The following KIF17 variants were observed in gnomAD, a reference collection of about 807,000 sequenced individuals.
KIF17 encodes the protein kinesin family member 17.
In KIF17, 80 loss-of-function variants were observed where a neutral mutation model predicts 96.8. The ratio of observed to expected loss-of-function variants is 0.83; its 90% CI spans 0.69 to 1.00. KIF17 has a LOEUF of 1.00. Ranked by LOEUF, KIF17 falls within the 50% of genes least tolerant of loss-of-function variation. KIF17 has a pLI of 0.00. For missense variants in KIF17, 1,280 were observed against 1,372.9 expected (o/e 0.93, Z 1.07); for synonymous variants, 567 against 587.5 (o/e 0.97, Z 0.51).
chr1:20,688,063 T>A (rs1312253252), intron 7 of KIF17, 119 bp from the exon 8 acceptor site: 10 of 889,990 alleles, frequency 1.1e-5, no homozygotes, highest in African/African-American at 3.4e-5. Context: ...TTGTTTTTTT[T>A]TGAGACAGAG....
intron 11 of KIF17, among the ~76,000 whole-genome samples, chr1:20,680,985 G>A (rs1282321955): frequency 6.6e-6 from 1 of 151,350 alleles, no homozygotes; most frequent in African/African-American, 2.4e-5. Flanking sequence ...AATTAGCTGG[G>A]TGTGGTGGCG....
chr1:20,712,990 A>C, intron 3 of KIF17, among the ~76,000 whole-genome samples: 1 of 139,712 alleles, frequency 7.2e-6, no homozygotes, highest in South Asian at 2.1e-4. Context: ...TAGATACTAT[A>C]TATAATATAG....
In KIF17 at chr1:20,704,541, C is replaced by T; in HGVS notation, c.1029G>A (p.Glu343=). Residue 343 remains glutamate (E), a synonymous_variant, in exon 5 of 15, where the codon GAG becomes GAA. Transcript: ENST00000400463. The surrounding 1 kb of genome is among the most constrained non-coding windows in gnomAD (Gnocchi z 6.8). ...KNIRNKPRIN[E]DPKDALLREY... ...CGCGAAGCAGCGCATCCTTGGGGTC[C>T]TCATTGATGCGCGGCTTGTTCCTGA... 6.2e-7 allele frequency: 1 copy of T among 1,614,206 alleles called. No individual in the cohort carries two copies. The highest frequency in any genetic ancestry group is 8.5e-7 in the Non-Finnish European group (1 of 1,180,032).
Position 20,698,443 on chromosome 1 carries a change from T to A in KIF17, c.1169A>T (p.Glu390Val). The A allele has an allele frequency of 6.2e-7, 1 of 1,613,724 alleles. No homozygotes were observed. Among genetic ancestry groups the A allele is most frequent in the Non-Finnish European group, 8.5e-7 (1 of 1,179,954 alleles). ...GATCACAGGTTGGGGCAACAGCTTC[T>A]CCTCCACCTGCACAGGGTCTGGGGG... ...QVPPDPVQVEEKLLPQPVIQH... is the reference protein window; with the variant it reads ...QVPPDPVQVEVKLLPQPVIQH... The change falls in exon 6 of 15, where the codon GAG becomes GTG. Residue 390 changes from glutamate (E) to valine (V), a missense_variant. Transcript: ENST00000400463.
intron 6 of KIF17, among the ~76,000 whole-genome samples, chr1:20,697,754 G>C (rs926937265): frequency 6.6e-6 from 1 of 152,150 alleles, no homozygotes. Flanking sequence ...AGGCAGGAGT[G>C]GGGGGGCCCC....
chr1:20,690,352 G>GCGGC lies in KIF17; in HGVS notation c.1234-18_1234-17insGCCG. The GCGGC allele has an allele frequency of 2.2e-6, 1 of 451,172 alleles. No individual in the cohort carries two copies. Among genetic ancestry groups the GCGGC allele is most frequent in the Non-Finnish European group, 4.3e-6 (1 of 235,152 alleles). 27.9% of individuals were successfully genotyped at this position (451,172 alleles called of 1,614,324 possible). On this transcript the variant is annotated splice_polypyrimidine_tract_variant and intron_variant, in intron 6 of 14. Coordinates refer to ENST00000400463, the MANE Select transcript of KIF17 (RefSeq NM_001122819.3). ...TTCATACTCCTGGGGGGGTGGGAGG[G>GCGGC]ACCAGAGGGCAGGCAGCATTTTATC...
chr1:20,670,133 C>CT (rs2053614920), intron 13 of KIF17, among the ~76,000 whole-genome samples: 1 of 152,080 alleles, frequency 6.6e-6, no homozygotes, highest in South Asian at 2.1e-4. Flanking sequence ...TGCTTGTCCT[C>CT]TGAGTTTGAG....
Position 20,670,485 on chromosome 1 carries a change from G to GA in KIF17, c.2725dup (p.Ser909PhefsTer37), listed in dbSNP as rs1422614011. ...GGCTGGTTTGTTCTGTGGCCCAGTT[G>GA]AAACTGCTATGAGAAAACAAAAGCT... On this transcript the variant is annotated frameshift_variant, in exon 13 of 15. Coordinates refer to ENST00000400463, the MANE Select transcript of KIF17 (RefSeq NM_001122819.3). LOFTEE classifies it high-confidence loss of function. 1 of 1,614,062 alleles carries GA rather than the reference G, an allele frequency of 6.2e-7. No homozygotes were observed. The highest frequency in any genetic ancestry group is 2.2e-5 in the East Asian group (1 of 44,890).
At chr1:20,673,382 T>C (rs2053682390) in intron 11 of KIF17, among the ~76,000 whole-genome samples, 1 of 39,354 alleles carries the variant, frequency 2.5e-5, no homozygotes, top group Non-Finnish European at 7.9e-5. Flanking sequence ...ATTTCTTTTG[T>C]TTGTTTGTTT....
chr1:20,684,035 C>CA (rs761492337), intron 10 of KIF17, among the ~76,000 whole-genome samples: 6 of 152,268 alleles, frequency 3.9e-5, no homozygotes, highest in Non-Finnish European at 5.9e-5. Context: ...ACCCTCACCA[C>CA]AAGCTTCTCA....
intron 6 of KIF17, among the ~76,000 whole-genome samples, chr1:20,692,192 C>T (rs940239218): frequency 2.0e-5 from 3 of 152,242 alleles, no homozygotes; most frequent in Non-Finnish European, 4.4e-5. Flanking sequence ...GACACACCCA[C>T]TTCCTCCCTG....
chr1:20,697,285 G>T (rs1164000390), intron 6 of KIF17, among the ~76,000 whole-genome samples: 3 of 152,184 alleles, frequency 2.0e-5, no homozygotes, highest in African/African-American at 7.2e-5. Flanking sequence ...CTGGCATCAG[G>T]TTTCACATCA....
At chr1:20,692,052 C>T (rs1171729146) in intron 6 of KIF17, among the ~76,000 whole-genome samples, 1 of 152,180 alleles carries the variant, frequency 6.6e-6, no homozygotes, top group African/African-American at 2.4e-5. Context: ...AGGTGTCTCC[C>T]CTGCTTAGGA....
chr1:20,710,562 G>C lies in KIF17; in HGVS notation c.481-734C>G, dbSNP rs868343749. Among the ~76,000 whole-genome samples the C allele has an allele frequency of 2.0e-4, 31 of 152,198 alleles. 1 individual carries two copies. Among genetic ancestry groups the C allele is most frequent in the African/African-American group, 7.5e-4 (31 of 41,456 alleles). ...AACACGGTATTTTTCAAGTGTGAGA[G>C]GAAATAAAACCACTCTGGCACCAGA... On this transcript the variant is annotated intron_variant, in intron 3 of 14. Transcript: ENST00000400463.
In KIF17 at chr1:20,681,676, C is replaced by G. The variant is rs1211196426; in HGVS notation, c.2463+977G>C. ...CTCACCGTGGGCAGAATCACGCTCT[C>G]CCTGACTCAGGCCTCACTCCCTTTC... On this transcript the variant is annotated intron_variant, in intron 11 of 14. Transcript: ENST00000400463. Among the ~76,000 whole-genome samples the G allele has an allele frequency of 2.6e-5, 4 of 152,272 alleles. No homozygotes were observed. The South Asian group carries it at 6.2e-4, about 24-fold the overall frequency.
At position 20,704,641 on chromosome 1, in the gene KIF17, G is replaced by T; in HGVS notation, c.929C>A (p.Ala310Asp). 1.9e-6 allele frequency: 3 copies of T among 1,614,182 alleles called. No individual in the cohort carries two copies. The highest frequency in any genetic ancestry group is 2.5e-6 in the Non-Finnish European group (3 of 1,180,020). The change falls in exon 5 of 15, where the codon GCC becomes GAC. Residue 310 changes from alanine (A) to aspartate (D), a missense_variant. Physicochemically the swap from Ala to Asp is moderately radical, Grantham distance 126. Transcript: ENST00000400463. The surrounding 1 kb of genome is among the most constrained non-coding windows in gnomAD (Gnocchi z 6.8). ...LGGNTKTLMV[A>D]CLSPADNNYD... ...GTTGTTGTCCGCAGGCGACAGGCAG[G>T]CCACCATGAGCGTCTTGGTGTTGCC...
chr1:20,707,468 G>GA (rs35969574), intron 4 of KIF17, among the ~76,000 whole-genome samples: 106,243 of 151,914 alleles, frequency 0.7, 37,352 homozygotes, highest in East Asian at 0.78. Context: ...ACATTCACAG[G>GA]AAAAAAGGAT....
chr1:20,684,819 C>A lies in KIF17; in HGVS notation c.2221G>T (p.Val741Leu). ...DPLPVVDQQQVLARLQLLEQQ... is the reference protein window; with the variant it reads ...DPLPVVDQQQLLARLQLLEQQ... ...TGCTCTGCTGCTTACCGGGCCAGCA[C>A]CTGCTGCTGGTCCACAACGGGCAGC... Residue 741 changes from valine to leucine, a missense_variant, in exon 10 of 15, where the codon GTG (valine) becomes TTG (leucine). Val to Leu is a conservative substitution (Grantham distance 32). Coordinates refer to ENST00000400463, the MANE Select transcript of KIF17 (RefSeq NM_001122819.3). 2 of 1,580,478 alleles carry A rather than the reference C, an allele frequency of 1.3e-6. No individual in the cohort carries two copies. Among genetic ancestry groups the A allele is most frequent in the East Asian group, 4.7e-5 (2 of 42,686 alleles).
At chr1:20,691,757 C>T (rs1427268728) in intron 6 of KIF17, among the ~76,000 whole-genome samples, 6 of 152,070 alleles carry the variant, frequency 3.9e-5, no homozygotes, top group African/African-American at 1.4e-4. Flanking sequence ...GCATGAGCCA[C>T]CATGCCCAGC....
Sources: allele counts gnomAD v4.1 joint callset (sites outside exome capture counted in the v4.1 genomes callset), GRCh38; gene constraint gnomAD v4.1.1; non-coding constraint Gnocchi (gnomAD v3.1); transcripts MANE v1.5; gene names NCBI Gene and HGNC (gene_info 2026-07-23, HGNC 2026-07-21).